ST18: variants seen among roughly 807,000 people sequenced by gnomAD.
ST18 encodes suppression of tumorigenicity 18 protein.
A neutral mutation model predicts 110.0 loss-of-function variants in ST18; 50 were observed. That is an observed-to-expected ratio of 0.45 (90% CI 0.36 to 0.58). The LOEUF (loss-of-function observed/expected upper bound fraction) is 0.58. Among genes scored for constraint, ST18 ranks in the 20% least tolerant of loss-of-function variants. The pLI, the probability that ST18 is intolerant of heterozygous loss-of-function variation, is 0.00. For synonymous variants in ST18, 461 were observed against 452.4 expected (o/e 1.02, Z -0.24); for missense variants, 1,306 against 1,280.1 (o/e 1.02, Z -0.31).
intron 2 of ST18, among the ~76,000 whole-genome samples, chr8:52,325,573 T>C (rs558454874): frequency 1.4e-4 from 22 of 152,298 alleles, no homozygotes; most frequent in African/African-American, 2.9e-4. Flanking sequence ...TATTACACCA[T>C]ACTAATGAAT....
rs888368988 is a variant in ST18 at position 52,211,127 on chromosome 8, G to T, written c.86+952C>A. On this transcript the variant is annotated intron_variant, in intron 8 of 25. Transcript: ENST00000689386. Reference sequence around the variant, plus strand: ...AATTATCTTGTTCCTGACAGAAAATGTGTCGTCTGCATGTGTTTCTTCTTT... The same window carrying T: ...AATTATCTTGTTCCTGACAGAAAATTTGTCGTCTGCATGTGTTTCTTCTTT... Among the ~76,000 whole-genome samples, 21 of 152,140 alleles carry T rather than the reference G, an allele frequency of 1.4e-4. 1 individual carries two copies. Among genetic ancestry groups the T allele is most frequent in the Non-Finnish European group, 1.5e-5 (1 of 68,028 alleles).
intron 2 of ST18, among the ~76,000 whole-genome samples, chr8:52,387,942 C>T (rs1280781216): frequency 6.6e-6 from 1 of 152,128 alleles, no homozygotes; most frequent in African/African-American, 2.4e-5. Context: ...CAGGTCACTG[C>T]CAGCACCCTC....
At chr8:52,348,328 C>T (rs1316440883) in intron 2 of ST18, among the ~76,000 whole-genome samples, 4 of 152,206 alleles carry the variant, frequency 2.6e-5, no homozygotes, top group African/African-American at 9.6e-5. Flanking sequence ...GACCATGAGG[C>T]TTTGCTTTGA....
chr8:52,351,541 A>G (rs1332619292), intron 2 of ST18, among the ~76,000 whole-genome samples: 1 of 152,228 alleles, frequency 6.6e-6, no homozygotes, highest in Non-Finnish European at 1.5e-5. Flanking sequence ...ATGACATAAC[A>G]GCATCTTTTC....
rs574868664 is a variant in ST18 at position 52,207,057 on chromosome 8, A to T, written c.86+5022T>A. ...CACTAAAGGAAACTGAATTCTAAAA[A>T]AATTCCAAAATATTAAAGTATCTAT... On this transcript the variant is annotated intron_variant, in intron 8 of 25. Transcript: ENST00000689386. Among the ~76,000 whole-genome samples the T allele has an allele frequency of 4.0e-4, 61 of 152,364 alleles. No homozygotes were observed. The South Asian group carries it at 0.012, about 31-fold the overall frequency.
In ST18 at chr8:52,180,110, C is replaced by G; in HGVS notation, c.277+12G>C. ...AGGGAGCAGGTAAAGTTTGGGCTCT[C>G]CTCCTTGCTACCTGCGGTAGAGTGA... On this transcript the variant is annotated intron_variant, in intron 9 of 25. Coordinates refer to ENST00000689386, the MANE Select transcript of ST18 (RefSeq NM_001352837.2). 1 of 1,613,114 alleles carries G rather than the reference C, an allele frequency of 6.2e-7. No individual in the cohort carries two copies.
chr8:52,253,454 A>T (rs982402984), intron 2 of ST18, among the ~76,000 whole-genome samples: 1 of 152,098 alleles, frequency 6.6e-6, no homozygotes, highest in Non-Finnish European at 1.5e-5. Flanking sequence ...TACATTTATC[A>T]AAAATGAACA....
intron 9 of ST18, among the ~76,000 whole-genome samples, chr8:52,176,868 T>C (rs1472270957): frequency 6.6e-6 from 1 of 152,242 alleles, no homozygotes; most frequent in Non-Finnish European, 1.5e-5. Context: ...GTTACTTTTA[T>C]AGGTAAATTG....
intron 2 of ST18, among the ~76,000 whole-genome samples, chr8:52,388,341 G>A (rs967803112): frequency 2.0e-5 from 3 of 151,698 alleles, no homozygotes; most frequent in African/African-American, 4.8e-5. Context: ...CACACCCAAC[G>A]TGAGTCCCCT....
rs528447633 is a variant in ST18 at position 52,388,854 on chromosome 8, T to C, written c.-465+20474A>G. Among the ~76,000 whole-genome samples, 271 of 145,416 alleles carry C rather than the reference T, an allele frequency of 1.9e-3. 1 individual carries two copies. Among genetic ancestry groups the C allele is most frequent in the Middle Eastern group, 7.2e-3 (2 of 276 alleles). On this transcript the variant is annotated intron_variant, in intron 2 of 25. Transcript: ENST00000689386. ...GGGGGAGGGATAGCTTTAGGAGATA[T>C]ACCTAATGCTAAATGATGAGTTAAT... is the stretch of plus-strand genomic sequence containing the variant.
intron 9 of ST18, among the ~76,000 whole-genome samples, chr8:52,176,040 T>G (rs186479861): frequency 6.6e-6 from 1 of 151,982 alleles, no homozygotes. Context: ...TTTTTTTTTT[T>G]AGACGGAGTC....
Position 52,113,283 on chromosome 8 carries a change from T to C in ST18, c.3059A>G (p.Tyr1020Cys), listed in dbSNP as rs1380002090. 1 of 1,613,954 alleles carries C rather than the reference T, an allele frequency of 6.2e-7. No individual in the cohort carries two copies. Among genetic ancestry groups the C allele is most frequent in the Non-Finnish European group, 8.5e-7 (1 of 1,179,946 alleles). The change falls in exon 26 of 26, where the codon TAC becomes TGC. Residue 1020 changes from tyrosine (Y) to cysteine (C), a missense_variant. By Grantham distance (194) the Tyr-to-Cys change is radical. Transcript: ENST00000689386. ...EAYVNTLTDM[Y>C]SNLERDYSPE... is the part of the protein sequence containing the mutation. The stretch of plus-strand genomic sequence containing the variant: ...GGAATAGTCCCGTTCCAGATTGCTG[T>C]ACATATCTGTGAGTGTATTTACATA...
intron 2 of ST18, among the ~76,000 whole-genome samples, chr8:52,321,837 G>A (rs1013396957): frequency 2.0e-5 from 3 of 152,198 alleles, no homozygotes; most frequent in Non-Finnish European, 2.9e-5. Context: ...CTGATGCCTT[G>A]CCACTCAAAA....
chr8:52,187,764 A>G (rs1295017154), intron 8 of ST18, among the ~76,000 whole-genome samples: 2 of 152,188 alleles, frequency 1.3e-5, no homozygotes, highest in East Asian at 1.9e-4. Flanking sequence ...GATGTTCTCA[A>G]TGGTATCCGT....
chr8:52,115,714 A>G (rs1163534893), intron 25 of ST18, among the ~76,000 whole-genome samples: 1 of 152,214 alleles, frequency 6.6e-6, no homozygotes, highest in African/African-American at 2.4e-5. Context: ...TGTGCCCATT[A>G]CTAGGTGATA....
At chr8:52,125,156 A>G (rs1342763325) in intron 23 of ST18, among the ~76,000 whole-genome samples, 1 of 152,192 alleles carries the variant, frequency 6.6e-6, no homozygotes, top group Non-Finnish European at 1.5e-5. Context: ...GAGGATCCAA[A>G]CAGAGAACTC....
Position 52,126,143 on chromosome 8 carries a change from G to C in ST18, c.2667-3C>G. 3.7e-6 allele frequency: 6 copies of C among 1,613,200 alleles called. No homozygotes were observed. The highest frequency in any genetic ancestry group is 5.1e-6 in the Non-Finnish European group (6 of 1,179,332). On this transcript the variant is annotated splice_region_variant and splice_polypyrimidine_tract_variant and intron_variant, in intron 22 of 25. Transcript: ENST00000689386. ...CATTGAGAGGACATCCAGATAAGCTGTGAAAATAGAAATTGTACTAATGTA... is the reference window on the plus strand; with the variant it reads ...CATTGAGAGGACATCCAGATAAGCTCTGAAAATAGAAATTGTACTAATGTA...
intron 2 of ST18, among the ~76,000 whole-genome samples, chr8:52,314,850 C>A (rs906829848): frequency 1.3e-5 from 2 of 152,136 alleles, no homozygotes; most frequent in Admixed American, 6.5e-5. Flanking sequence ...TTAGTCACTC[C>A]ATGGAGAGAC....
At chr8:52,199,747 A>C (rs2077339075) in intron 8 of ST18, among the ~76,000 whole-genome samples, 1 of 152,204 alleles carries the variant, frequency 6.6e-6, no homozygotes, top group African/African-American at 2.4e-5. Flanking sequence ...CTAGTCCTAT[A>C]TATCCTTGCT....
Sources: gnomAD v4.1 joint callset for allele counts (sites outside exome capture counted in the v4.1 genomes callset) on GRCh38, gnomAD v4.1.1 for gene constraint, MANE v1.5 for transcripts, NCBI Gene and HGNC (gene_info 2026-07-23, HGNC 2026-07-21) for gene names.